Variants in NAV3 observed in about 807,000 individuals in gnomAD.
NAV3 encodes pore membrane and/or filament interacting like protein 1.
Under a neutral mutation model 244.7 loss-of-function variants are expected in NAV3, and 87 were observed. The observed-to-expected ratio is 0.36, with a 90% confidence interval of 0.30 to 0.42. The LOEUF (loss-of-function observed/expected upper bound fraction) is 0.42. Ranked by LOEUF, NAV3 falls within the 20% of genes least tolerant of loss-of-function variation. NAV3 has a pLI of 1.00. For missense variants in NAV3, 2,663 were observed against 2,893.3 expected (o/e 0.92, Z 1.83); for synonymous variants, 1,126 against 1,042.2 (o/e 1.08, Z -1.55).
chr12:77,662,867 TA>T (rs1284850924), intron 2 of NAV3, among the ~76,000 whole-genome samples: 1 of 152,160 alleles, frequency 6.6e-6, no homozygotes, highest in Non-Finnish European at 1.5e-5. Context: ...ATGTTGATGA[TA>T]AAATTCACCT....
intron 2 of NAV3, among the ~76,000 whole-genome samples, chr12:77,814,646 C>T (rs1375731708): frequency 6.6e-6 from 1 of 152,118 alleles, no homozygotes; most frequent in Non-Finnish European, 1.5e-5. Context: ...GCCTTAATAG[C>T]ACAGGCCTAC....
At chr12:77,862,426 G>C (rs1592815558) in intron 1 of NAV3, among the ~76,000 whole-genome samples, 2 of 136,730 alleles carry the variant, frequency 1.5e-5, no homozygotes, top group South Asian at 3.1e-4. Context: ...GAAGAGTTTT[G>C]GGGGAGGTGA....
intron 2 of NAV3, among the ~76,000 whole-genome samples, chr12:77,745,874 T>A (rs1868512395): frequency 6.6e-6 from 1 of 150,744 alleles, no homozygotes. Context: ...AACTCTCAAG[T>A]GCATAGGAGA....
intron 2 of NAV3, among the ~76,000 whole-genome samples, chr12:77,661,454 C>T (rs1215920793): frequency 6.6e-6 from 1 of 152,022 alleles, no homozygotes; most frequent in Non-Finnish European, 1.5e-5. Flanking sequence ...GACAGAAGAG[C>T]TTTATTAGAT....
At chr12:77,723,829 AACCTTCTGC>A (rs1425715156) in intron 2 of NAV3, among the ~76,000 whole-genome samples, 1 of 127,714 alleles carries the variant, frequency 7.8e-6, no homozygotes, top group Non-Finnish European at 1.6e-5. Flanking sequence ...GTTCTATTTC[AACCTTCTGC>A]AACTTAAACA....
At chr12:78,070,886 C>A (rs1163238465) in intron 12 of NAV3, among the ~76,000 whole-genome samples, 2 of 148,110 alleles carry the variant, frequency 1.4e-5, no homozygotes, top group Non-Finnish European at 3.0e-5. Context: ...ATGAACTCAT[C>A]ATTTTTTATG....
intron 4 of NAV3, among the ~76,000 whole-genome samples, chr12:77,966,988 A>G (rs1316322330): frequency 8.5e-5 from 13 of 152,170 alleles, no homozygotes. Context: ...ACTTGAGAAC[A>G]CTGATATTTA....
chr12:78,140,421 T>G, intron 20 of NAV3, 87 bp downstream of exon 20: 1 of 1,157,470 alleles, frequency 8.6e-7, no homozygotes, highest in Non-Finnish European at 1.3e-6. Flanking sequence ...ACAGATCACA[T>G]TCATCTATGA....
Position 77,611,794 on chromosome 12 carries a change from A to G in NAV3, c.72+39528A>G, listed in dbSNP as rs552193121. 1.1e-4 allele frequency among the ~76,000 whole-genome samples: 17 copies of G among 151,950 alleles called. No homozygotes were observed. In the South Asian group the frequency reaches 2.5e-3, roughly 22 times the overall value. ...AATTGAGTATGGGTTATTAAGTATAATTTTTTTTACTTGAACAAATTAACA... is the reference window on the plus strand; with the variant it reads ...AATTGAGTATGGGTTATTAAGTATAGTTTTTTTTACTTGAACAAATTAACA... On this transcript the variant is annotated intron_variant, in intron 2 of 8. Coordinates refer to the NAV3 transcript ENST00000550042.
intron 2 of NAV3, among the ~76,000 whole-genome samples, chr12:77,767,467 C>A (rs1232530552): frequency 6.6e-6 from 1 of 152,118 alleles, no homozygotes; most frequent in Non-Finnish European, 1.5e-5. Flanking sequence ...CTAGCACTAC[C>A]AGCCCAGATC....
At position 78,015,429 on chromosome 12, in the gene NAV3, T is replaced by C. The variant is rs1276468058; in HGVS notation, c.1908-6318T>C. On this transcript the variant is annotated intron_variant, in intron 8 of 39. Transcript: ENST00000397909. ...TATTGATATATTGATGGCTAGGCAT[T>C]TTACATAATGTTTCTAATTTGGGTT... Among the ~76,000 whole-genome samples, 3 of 152,094 alleles carry C rather than the reference T, an allele frequency of 2.0e-5. No individual in the cohort carries two copies. In the East Asian group the frequency reaches 5.8e-4, roughly 29 times the overall value.
intron 2 of NAV3, among the ~76,000 whole-genome samples, chr12:77,798,588 G>A (rs1410776580): frequency 6.6e-6 from 1 of 151,820 alleles, no homozygotes; most frequent in African/African-American, 2.4e-5. Flanking sequence ...GCTGTTGTGA[G>A]GACTAAATGA....
chr12:77,804,686 G>GT (rs751314484), intron 2 of NAV3, among the ~76,000 whole-genome samples: 98 of 148,182 alleles, frequency 6.6e-4, no homozygotes, highest in East Asian at 3.9e-3. Flanking sequence ...AATTTGAAGT[G>GT]TTTTTTTTTT....
rs769055019 is a variant in NAV3, at chr12:78,210,508, T to C, written c.7149T>C (p.Ser2383=). 1.9e-6 allele frequency: 3 copies of C among 1,613,646 alleles called. No individual in the cohort carries two copies. The Admixed American group carries it at 5.0e-5, about 27-fold the overall frequency. The change falls in exon 40 of 40, where the codon TCT becomes TCC. Residue 2383 remains serine (S), a synonymous_variant. Transcript: ENST00000397909. ...HEDILDSSLE[S]TL The stretch of plus-strand genomic sequence containing the variant: ...ACATTTTGGATTCATCTCTTGAATC[T>C]ACCCTCTAGAGGGTGAAAAAAGTTA...
chr12:77,861,098 A>G (rs1206875361), intron 1 of NAV3, among the ~76,000 whole-genome samples: 1 of 151,952 alleles, frequency 6.6e-6, no homozygotes, highest in Non-Finnish European at 1.5e-5. Flanking sequence ...GCTTGAAGCC[A>G]TAACCATGAT....
chr12:78,194,915 C>T (rs748500572), intron 34 of NAV3, among the ~76,000 whole-genome samples: 9 of 152,122 alleles, frequency 5.9e-5, no homozygotes, highest in African/African-American at 1.2e-4. Context: ...ATTTTCCAGA[C>T]GCTACAATCA....
chr12:78,010,696 A>G (rs1038845520), intron 8 of NAV3: 9 of 152,140 alleles, frequency 5.9e-5, no homozygotes, highest in Admixed American at 3.9e-4. Context: ...ACTCATTTAT[A>G]ATTGAAAATG....
intron 8 of NAV3, among the ~76,000 whole-genome samples, chr12:78,011,293 A>G (rs1031623717): frequency 6.6e-6 from 1 of 152,130 alleles, no homozygotes; most frequent in African/African-American, 2.4e-5. Context: ...CTCATCCCTC[A>G]TTCTACAAAT....
At chr12:77,576,393 C>G (rs543818873) in intron 2 of NAV3, among the ~76,000 whole-genome samples, 2 of 151,998 alleles carry the variant, frequency 1.3e-5, no homozygotes, top group East Asian at 3.9e-4. Flanking sequence ...TTTATTCTTT[C>G]TCTTTCAACT....
Sources: gnomAD v4.1 joint callset for allele counts (sites outside exome capture counted in the v4.1 genomes callset) on GRCh38, gnomAD v4.1.1 for gene constraint, MANE v1.5 for transcripts, NCBI Gene and HGNC (gene_info 2026-07-23, HGNC 2026-07-21) for gene names.